The following PPM1E variants were observed in gnomAD, a reference collection of about 807,000 sequenced individuals.
PPM1E encodes the protein protein phosphatase, Mg2+/Mn2+ dependent 1E.
A neutral mutation model predicts 65.9 loss-of-function variants in PPM1E; 20 were observed. That is an observed-to-expected ratio of 0.30 (90% CI 0.21 to 0.44). PPM1E has a LOEUF of 0.44. PPM1E is among the 20% of genes least tolerant of loss of function. The pLI is 1.00. For missense variants in PPM1E, 713 were observed against 953.1 expected (o/e 0.75, Z 3.32); for synonymous variants, 352 against 374.9 (o/e 0.94, Z 0.70).
intron 1 of PPM1E, among the ~76,000 whole-genome samples, chr17:58,902,695 A>G (rs780721309): frequency 1.3e-5 from 2 of 152,196 alleles, no homozygotes; most frequent in Non-Finnish European, 2.9e-5. Flanking sequence ...GACAGTAACA[A>G]TCAACTGCCA....
At chr17:58,873,757 G>A (rs1191100199) in intron 1 of PPM1E, among the ~76,000 whole-genome samples, 1 of 149,636 alleles carries the variant, frequency 6.7e-6, no homozygotes, top group Non-Finnish European at 1.5e-5. Context: ...ACCATGCCCA[G>A]CTAATTTTTT....
chr17:58,822,324 A>ATTTT (rs1251272737), intron 1 of PPM1E, among the ~76,000 whole-genome samples: 8 of 138,236 alleles, frequency 5.8e-5, no homozygotes, highest in African/African-American at 1.8e-4. Context: ...GTCTGAATTT[A>ATTTT]TTTTTATTTA....
chr17:58,955,619 GA>G, intron 1 of PPM1E, 29 bp from the exon 2 acceptor site: 1 of 1,610,306 alleles, frequency 6.2e-7, no homozygotes, highest in Non-Finnish European at 8.5e-7. Context: ...TTCTTTTGCT[GA>G]AAATGGCCTT....
intron 1 of PPM1E, among the ~76,000 whole-genome samples, chr17:58,856,097 G>T (rs755140157): frequency 2.0e-5 from 3 of 152,110 alleles, no homozygotes; most frequent in Non-Finnish European, 4.4e-5. Context: ...TGTGAAACTT[G>T]TATGTATTCA....
chr17:58,771,793 G>T (rs2049941982), intron 1 of PPM1E, among the ~76,000 whole-genome samples: 1 of 151,918 alleles, frequency 6.6e-6, no homozygotes, highest in East Asian at 1.9e-4. Flanking sequence ...TATAATGGAA[G>T]TAATATTTAT....
rs778135183 is a variant in PPM1E at position 58,756,092 on chromosome 17, A to G, written c.95A>G (p.Glu32Gly). ...GGACCGTGCGGCGGCGGCGAGCCGGAGCCGGAACCCGAACCCGAACCCGAA... is the reference window on the plus strand; with the variant it reads ...GGACCGTGCGGCGGCGGCGAGCCGGGGCCGGAACCCGAACCCGAACCCGAA... ...FRGPCGGGEP[E>G]PEPEPEPEPE... The change falls in exon 1 of 7, where the codon GAG (glutamate) becomes GGG (glycine). Residue 32 changes from glutamate to glycine, a missense_variant. Glu to Gly is a moderately conservative substitution (Grantham distance 98). Around this residue, in one of 6 missense-constraint regions of PPM1E, gnomAD observed 212 missense variants for 204.0 expected, o/e 1.04. Coordinates refer to ENST00000308249, the MANE Select transcript of PPM1E (RefSeq NM_014906.5). 17 of 1,599,984 alleles carry G rather than the reference A, an allele frequency of 1.1e-5. No individual in the cohort carries two copies. The Admixed American group carries it at 1.9e-4, about 18-fold the overall frequency.
intron 1 of PPM1E, among the ~76,000 whole-genome samples, chr17:58,878,352 C>G (rs931334148): frequency 1.3e-5 from 2 of 152,018 alleles, no homozygotes; most frequent in Admixed American, 1.3e-4. Flanking sequence ...AAGGGATTCT[C>G]CTGCCTCAGC....
intron 1 of PPM1E, among the ~76,000 whole-genome samples, chr17:58,836,175 T>C (rs998097604): frequency 2.0e-5 from 3 of 152,148 alleles, no homozygotes; most frequent in South Asian, 4.1e-4. Context: ...TAACAGCAAC[T>C]GTTTTTTAAG....
At chr17:58,762,473 A>T (rs2049830475) in intron 1 of PPM1E, among the ~76,000 whole-genome samples, 1 of 152,044 alleles carries the variant, frequency 6.6e-6, no homozygotes, top group South Asian at 2.1e-4. Flanking sequence ...AAAAAAAAAA[A>T]GTTTCTATGA....
In PPM1E at chr17:58,871,827, AAAAAG is replaced by A. The variant is rs902161111; in HGVS notation, c.465-83819_465-83815del. Among the ~76,000 whole-genome samples, 19 of 151,660 alleles carry A rather than the reference AAAAAG, an allele frequency of 1.3e-4. No individual in the cohort carries two copies. In the East Asian group the frequency reaches 1.8e-3, roughly 14 times the overall value. ...GGGAGACCCTGTCTCAAAAAAAAAA[AAAAAG>A]AAGAAGAAGAAGAATATTTATATTT... On this transcript the variant is annotated intron_variant, in intron 1 of 6. Coordinates refer to ENST00000308249, the MANE Select transcript of PPM1E (RefSeq NM_014906.5).
chr17:58,937,892 A>AAAGAAAG (rs1555621158), intron 1 of PPM1E, among the ~76,000 whole-genome samples: 2 of 129,796 alleles, frequency 1.5e-5, no homozygotes, highest in South Asian at 4.8e-4. Flanking sequence ...AAAAAAAAAA[A>AAAGAAAG]AAAGAAAGAA....
At chr17:58,780,793 T>A (rs2050042769) in intron 1 of PPM1E, among the ~76,000 whole-genome samples, 1 of 152,162 alleles carries the variant, frequency 6.6e-6, no homozygotes, top group Non-Finnish European at 1.5e-5. Context: ...TTGTATTATG[T>A]TTAAAGGGTC....
Position 58,801,585 on chromosome 17 carries a change from G to A in PPM1E, c.464+45124G>A, listed in dbSNP as rs544046333. Among the ~76,000 whole-genome samples the A allele has an allele frequency of 2.0e-5, 3 of 151,088 alleles. No individual in the cohort carries two copies. The South Asian group carries it at 6.3e-4, about 32-fold the overall frequency. On this transcript the variant is annotated intron_variant, in intron 1 of 6. Transcript: ENST00000308249. ...GCCTCCCAAGTACCTGGGACTACAG[G>A]CACGTGCCACCAGGCCTGGATAATT... is the stretch of plus-strand genomic sequence containing the variant.
chr17:58,812,375 A>C (rs1475446304), intron 1 of PPM1E, among the ~76,000 whole-genome samples: 1 of 151,832 alleles, frequency 6.6e-6, no homozygotes, highest in Non-Finnish European at 1.5e-5. Flanking sequence ...GTATAATAGA[A>C]TCCATAGCAG....
intron 1 of PPM1E, among the ~76,000 whole-genome samples, chr17:58,861,991 C>T (rs1448289979): frequency 6.6e-6 from 1 of 152,122 alleles, no homozygotes; most frequent in Non-Finnish European, 1.5e-5. Context: ...TGGTTGAAGT[C>T]CTTGGTCCTT....
intron 1 of PPM1E, among the ~76,000 whole-genome samples, chr17:58,779,739 G>A (rs1009952974): frequency 1.3e-5 from 2 of 152,140 alleles, no homozygotes; most frequent in Non-Finnish European, 2.9e-5. Flanking sequence ...GTGCTAAAAT[G>A]TAAGTCTTCC....
chr17:58,805,077 C>G (rs1368143258), intron 1 of PPM1E, among the ~76,000 whole-genome samples: 1 of 152,016 alleles, frequency 6.6e-6, no homozygotes, highest in Non-Finnish European at 1.5e-5. Context: ...TACTTTCTAC[C>G]TCCCTGAGAT....
intron 1 of PPM1E, among the ~76,000 whole-genome samples, chr17:58,942,477 G>A (rs2052086657): frequency 6.6e-6 from 1 of 152,090 alleles, no homozygotes; most frequent in Non-Finnish European, 1.5e-5. Flanking sequence ...CATTTTATAT[G>A]TTCCTGAACC....
intron 1 of PPM1E, among the ~76,000 whole-genome samples, chr17:58,817,156 A>C (rs865815490): frequency 1.3e-5 from 2 of 152,096 alleles, no homozygotes; most frequent in Non-Finnish European, 1.5e-5. Context: ...CATTTGATTT[A>C]TCCATTTATC....
Sources: allele counts gnomAD v4.1 joint callset (sites outside exome capture counted in the v4.1 genomes callset), GRCh38; gene constraint gnomAD v4.1.1; regional missense constraint gnomAD v4.1.1; transcripts MANE v1.5; gene names NCBI Gene and HGNC (gene_info 2026-07-23, HGNC 2026-07-21).